Variants in SLC35G1 observed in about 807,000 individuals in gnomAD.
SLC35G1 encodes partner of STIM1.
SLC35G1 carries 10 observed loss-of-function variants against 17.1 expected under a neutral mutation model. That is an observed-to-expected ratio of 0.59 (90% confidence interval 0.36 to 0.99). The LOEUF is 0.99. Ranked by LOEUF, SLC35G1 falls within the 50% of genes least tolerant of loss-of-function variation. SLC35G1 has a pLI of 0.01. For synonymous variants in SLC35G1, 185 were observed against 181.1 expected, an observed-to-expected ratio of 1.02 and a Z score of -0.18; for missense variants, 433 against 468.4, an observed-to-expected ratio of 0.92 and a Z score of 0.70.
downstream of SLC35G1, chr10:93,907,497 A>G (rs2060436229): frequency 6.6e-6 from 1 of 152,242 alleles, no homozygotes; most frequent in African/African-American, 2.4e-5. Flanking sequence ...GTCATGGTAT[A>G]TACCCAAAAT....
intron 1 of SLC35G1, among the ~76,000 whole-genome samples, chr10:93,894,989 A>G (rs1469273192): frequency 1.3e-5 from 2 of 152,186 alleles, no homozygotes; most frequent in African/African-American, 2.4e-5. Flanking sequence ...CCAGCTTGCC[A>G]TATACCGGCC....
chr10:93,907,060 T>A (rs1407632616), downstream of SLC35G1: 1 of 152,198 alleles, frequency 6.6e-6, no homozygotes, highest in Non-Finnish European at 1.5e-5. Context: ...TTTATTAAAG[T>A]GTTATTTATA....
downstream of SLC35G1, chr10:93,908,623 C>T (rs185362789): frequency 1.3e-5 from 2 of 152,212 alleles, no homozygotes; most frequent in Admixed American, 6.5e-5. Flanking sequence ...TTATTTCTTC[C>T]GATCTACTAA....
rs754385150 is a variant in SLC35G1, at chr10:93,900,958, T to G, written c.566T>G (p.Phe189Cys). 1 of 1,614,112 alleles carries G rather than the reference T, an allele frequency of 6.2e-7. No individual in the cohort carries two copies. Among genetic ancestry groups the G allele is most frequent in the South Asian group, 1.1e-5 (1 of 91,070 alleles). ...KEKYSPWDAL[F>C]TVFTITGVIL... The stretch of plus-strand genomic sequence containing the variant: ...AAATATAGCCCTTGGGATGCTCTTT[T>G]CACCGTGTTCACAATCACTGGAGTG... The change falls in exon 3 of 3, where the codon TTC becomes TGC. Residue 189 changes from phenylalanine (F) to cysteine (C), a missense_variant. Transcript: ENST00000427197.
downstream of SLC35G1, among the ~76,000 whole-genome samples, chr10:93,905,125 A>T (rs1454858529): frequency 6.6e-6 from 1 of 152,068 alleles, no homozygotes; most frequent in Non-Finnish European, 1.5e-5. Context: ...TGACCTGGGG[A>T]ATGGGCCTGA....
chr10:93,896,837 C>G (rs1158284232), intron 1 of SLC35G1, among the ~76,000 whole-genome samples: 1 of 152,132 alleles, frequency 6.6e-6, no homozygotes, highest in African/African-American at 2.4e-5. Flanking sequence ...GGAGAAGATA[C>G]TTGAAACAGA....
At chr10:93,895,007 C>G (rs1049659957) in intron 1 of SLC35G1, among the ~76,000 whole-genome samples, 1 of 152,214 alleles carries the variant, frequency 6.6e-6, no homozygotes, top group Non-Finnish European at 1.5e-5. Context: ...GCCTAGGGCC[C>G]TTTCCACTGG....
At chr10:93,897,793 T>A (rs978863920) in intron 1 of SLC35G1, among the ~76,000 whole-genome samples, 1 of 152,244 alleles carries the variant, frequency 6.6e-6, no homozygotes, top group Non-Finnish European at 1.5e-5. Context: ...TAGATGGCAG[T>A]TCTGTACAAA....
At chr10:93,900,548 G>A (rs182617446) in intron 2 of SLC35G1, among the ~76,000 whole-genome samples, 5 of 151,972 alleles carry the variant, frequency 3.3e-5, no homozygotes, top group Non-Finnish European at 5.9e-5. Flanking sequence ...TGCTTTTACT[G>A]TGAACACTTT....
chr10:93,896,238 C>T (rs1384941736), intron 1 of SLC35G1, among the ~76,000 whole-genome samples: 2 of 152,152 alleles, frequency 1.3e-5, no homozygotes, highest in African/African-American at 2.4e-5. Flanking sequence ...TCAAGAGATC[C>T]TCCCACCTTG....
Position 93,903,490 on chromosome 10 carries a change from C to T in SLC35G1, c.*2000C>T, listed in dbSNP as rs765054994. 6.6e-6 allele frequency: 1 copy of T among 152,096 alleles called. No individual in the cohort carries two copies. The highest frequency in any genetic ancestry group is 6.6e-5 in the Admixed American group (1 of 15,260). 9.4% of individuals were successfully genotyped at this position (152,096 alleles called of 1,614,324 possible). A position where few individuals can be genotyped will look rare whatever the true frequency, so the allele number is the denominator to read the frequency against. On this transcript the variant is annotated 3_prime_UTR_variant, in exon 3 of 3. Transcript: ENST00000427197. Reference sequence around the variant, plus strand: ...TAAGGTGAATTAACTCTCAGGGAACCCTCTTCCAGTTCTTTACCTTGCACA... The same window carrying T: ...TAAGGTGAATTAACTCTCAGGGAACTCTCTTCCAGTTCTTTACCTTGCACA...
chr10:93,909,272 C>G (rs1045569888), exon 3 of SLC35G1: 1 of 152,086 alleles, frequency 6.6e-6, no homozygotes, highest in African/African-American at 2.4e-5. Flanking sequence ...TAATAAGTGT[C>G]AAGAGTCTTA....
intron 2 of SLC35G1, 127 bp from the exon 3 acceptor site, chr10:93,900,625 A>C: frequency 2.7e-6 from 2 of 742,252 alleles, no homozygotes; most frequent in Non-Finnish European, 2.0e-6. Context: ...TGTGGATATT[A>C]TAATTAATTT....
At chr10:93,905,390 C>T (rs548202918), downstream of SLC35G1, among the ~76,000 whole-genome samples, 162 of 152,110 alleles carry the variant, frequency 1.1e-3, 2 homozygotes, top group South Asian at 6.2e-4. Context: ...TTTTATGCCC[C>T]GTTTGGTGCC....
intron 1 of SLC35G1, among the ~76,000 whole-genome samples, chr10:93,897,041 A>C (rs1034968419): frequency 3.3e-5 from 5 of 152,304 alleles, no homozygotes; most frequent in African/African-American, 1.2e-4. Flanking sequence ...AAGTCTTCTA[A>C]AGCTTCCTTC....
chr10:93,908,253 C>A (rs1023511868), downstream of SLC35G1: 4 of 152,228 alleles, frequency 2.6e-5, no homozygotes, highest in Non-Finnish European at 5.9e-5. Context: ...GCTTCTTAAT[C>A]TTTGTCTCAT....
Position 93,898,695 on chromosome 10 carries a change from T to C in SLC35G1, c.303T>C (p.Ser101=). 1 of 1,612,926 alleles carries C rather than the reference T, an allele frequency of 6.2e-7. No individual in the cohort carries two copies. Among genetic ancestry groups the C allele is most frequent in the Non-Finnish European group, 8.5e-7 (1 of 1,179,620 alleles). ...AAGACGTCCATGCTGTAGAGATTAG[T>C]GCGTTTCGATGTGTGTTCCAAATGC... ...KVQDVHAVEI[S]AFRCVFQMLV... The change falls in exon 2 of 3, where the codon AGT becomes AGC. Residue 101 remains serine, a synonymous_variant. Transcript: ENST00000427197.
chr10:93,904,894 G>A (rs1205598490), downstream of SLC35G1, among the ~76,000 whole-genome samples: 3 of 152,106 alleles, frequency 2.0e-5, no homozygotes, highest in African/African-American at 7.2e-5. Flanking sequence ...CCTTACTCCC[G>A]AGCAGCCTCA....
rs139655089 is a variant in SLC35G1, at chr10:93,900,778, A to G, written c.386A>G (p.Gln129Arg). ...ACTGGGTTTATAGGCCCAAAAGGTC[A>G]ACGAATTTTCCTCATTCTCAGAGGA... ...RKTGFIGPKG[Q>R]RIFLILRGVL... Residue 129 changes from glutamine (Q) to arginine (R), a missense_variant, in exon 3 of 3, where the codon CAA becomes CGA. Gln to Arg is a conservative substitution (Grantham distance 43). Coordinates refer to ENST00000427197, the MANE Select transcript of SLC35G1 (RefSeq NM_001134658.3). 680 of 1,607,582 alleles carry G rather than the reference A, an allele frequency of 4.2e-4. No individual in the cohort carries two copies. Among genetic ancestry groups the G allele is most frequent in the Non-Finnish European group, 4.9e-4 (570 of 1,174,940 alleles).
Sources: allele counts gnomAD v4.1 joint callset (sites outside exome capture counted in the v4.1 genomes callset), GRCh38; gene constraint gnomAD v4.1.1; transcripts MANE v1.5; gene names NCBI Gene and HGNC (gene_info 2026-07-23, HGNC 2026-07-21).